KAZN: variants seen among roughly 807,000 people sequenced by gnomAD.
KAZN encodes kazrin.
Under a neutral mutation model 87.4 loss-of-function variants are expected in KAZN, and 40 were observed. The observed-to-expected ratio is 0.46, with a 90% CI of 0.36 to 0.60. The LOEUF is 0.60. Ranked by LOEUF, KAZN falls within the 20% of genes least tolerant of loss-of-function variation. KAZN has a pLI of 0.00. For synonymous variants in KAZN, 466 were observed against 458.3 expected, an observed-to-expected ratio of 1.02 and a Z score of -0.22; for missense variants, 898 against 1,073.9, an observed-to-expected ratio of 0.84 and a Z score of 2.29.
intron 1 of KAZN, among the ~76,000 whole-genome samples, chr1:14,791,054 CT>C (rs1195565058): frequency 6.6e-6 from 1 of 152,178 alleles, no homozygotes; most frequent in Non-Finnish European, 1.5e-5. Context: ...GCCTCCAAGT[CT>C]CATCCCACCC....
intron 1 of KAZN, among the ~76,000 whole-genome samples, chr1:14,637,834 G>A (rs1680110336): frequency 6.6e-6 from 1 of 152,162 alleles, no homozygotes; most frequent in African/African-American, 2.4e-5. Context: ...GTGACAAAGT[G>A]CTACAAACTG....
intron 1 of KAZN, among the ~76,000 whole-genome samples, chr1:14,789,068 G>A (rs1442930016): frequency 6.6e-6 from 1 of 152,194 alleles, no homozygotes; most frequent in African/African-American, 2.4e-5. Context: ...GGACGGGTTA[G>A]TTTTGATATG....
At chr1:14,304,438 C>A (rs937070860) in intron 2 of KAZN, among the ~76,000 whole-genome samples, 1 of 152,214 alleles carries the variant, frequency 6.6e-6, no homozygotes, top group Non-Finnish European at 1.5e-5. Context: ...GTGTGCTGTT[C>A]AGCCTCTATT....
chr1:14,656,806 A>G (rs2148707266), intron 1 of KAZN, among the ~76,000 whole-genome samples: 1 of 152,362 alleles, frequency 6.6e-6, no homozygotes, highest in African/African-American at 2.4e-5. Flanking sequence ...GCACCTGCCC[A>G]CCAGGCCTGT....
Position 14,838,710 on chromosome 1 carries a change from C to A in KAZN, c.227-121974C>A, listed in dbSNP as rs201900575. On this transcript the variant is annotated intron_variant, in intron 1 of 14. Coordinates refer to ENST00000376030, the MANE Select transcript of KAZN (RefSeq NM_201628.3). ...ATCTCAGCTCACTGCAAACCTCTGC[C>A]TCCCAGGTTCAAGTGATTCTCATGT... Among the ~76,000 whole-genome samples, 8 of 152,180 alleles carry A rather than the reference C, an allele frequency of 5.3e-5. No individual in the cohort carries two copies. The East Asian group carries it at 5.8e-4, about 11-fold the overall frequency.
At chr1:14,799,157 G>A (rs1019771819) in intron 1 of KAZN, among the ~76,000 whole-genome samples, 3 of 152,178 alleles carry the variant, frequency 2.0e-5, no homozygotes, top group Non-Finnish European at 4.4e-5. Context: ...GACATTTGTG[G>A]CATTGTTTGT....
chr1:14,142,147 G>C (rs557994744), intron 1 of KAZN, among the ~76,000 whole-genome samples: 17 of 147,428 alleles, frequency 1.2e-4, no homozygotes, highest in African/African-American at 4.3e-4. Flanking sequence ...AAACCAGATG[G>C]AGGTAGGTTT....
intron 2 of KAZN, among the ~76,000 whole-genome samples, chr1:14,548,254 A>G (rs1376853277): frequency 6.9e-6 from 1 of 145,120 alleles, no homozygotes; most frequent in Non-Finnish European, 1.5e-5. Context: ...ACTGGAGTGC[A>G]GTGGTGCGAT....
At chr1:15,010,414 G>T (rs545694988) in intron 2 of KAZN, among the ~76,000 whole-genome samples, 2 of 143,360 alleles carry the variant, frequency 1.4e-5, no homozygotes, top group African/African-American at 5.2e-5. Context: ...TTTTTGAGAC[G>T]GAGTCTCGCT....
At chr1:14,472,696 G>C (rs1159580873) in intron 2 of KAZN, among the ~76,000 whole-genome samples, 1 of 150,664 alleles carries the variant, frequency 6.6e-6, no homozygotes, top group Admixed American at 6.6e-5. Context: ...GAGAGAGAAA[G>C]ACAGGAATCA....
At chr1:14,239,125 G>A (rs182407071) in intron 2 of KAZN, among the ~76,000 whole-genome samples, 3 of 152,226 alleles carry the variant, frequency 2.0e-5, no homozygotes, top group Admixed American at 6.5e-5. Flanking sequence ...GAAAGATTAC[G>A]TAAGCCAAAA....
intron 1 of KAZN, among the ~76,000 whole-genome samples, chr1:14,804,933 G>A (rs772714753): frequency 2.0e-5 from 3 of 152,142 alleles, no homozygotes; most frequent in African/African-American, 7.2e-5. Context: ...TGGCATGCCC[G>A]TGGTCTGCCA....
intron 1 of KAZN, among the ~76,000 whole-genome samples, chr1:14,603,899 C>G (rs746292925): frequency 6.6e-6 from 1 of 152,166 alleles, no homozygotes; most frequent in Non-Finnish European, 1.5e-5. Context: ...ATATGGGGCC[C>G]AGAAGGTCAA....
intron 1 of KAZN, among the ~76,000 whole-genome samples, chr1:14,020,431 G>T (rs773149830): frequency 6.6e-6 from 1 of 152,124 alleles, no homozygotes; most frequent in South Asian, 2.1e-4. Flanking sequence ...CCCATCCCTA[G>T]ACCCACAGGA....
Position 14,841,222 on chromosome 1 carries a change from G to A in KAZN, c.227-119462G>A, listed in dbSNP as rs1045955018. Among the ~76,000 whole-genome samples, 4 of 151,814 alleles carry A rather than the reference G, an allele frequency of 2.6e-5. No homozygotes were observed. In the East Asian group the frequency reaches 5.8e-4, roughly 22 times the overall value. On this transcript the variant is annotated intron_variant, in intron 1 of 14. Coordinates refer to ENST00000376030, the MANE Select transcript of KAZN (RefSeq NM_201628.3). ...CATGAGGTCAGGAGATCGAGAACACGTTGAAACCCCGTCTCTACTAAAAAT... is the reference window on the plus strand; with the variant it reads ...CATGAGGTCAGGAGATCGAGAACACATTGAAACCCCGTCTCTACTAAAAAT...
chr1:14,468,100 G>C (rs1377092093), intron 2 of KAZN, among the ~76,000 whole-genome samples: 1 of 152,176 alleles, frequency 6.6e-6, no homozygotes, highest in Admixed American at 6.5e-5. Flanking sequence ...TACTTAGCTG[G>C]CTAATAAACC....
chr1:13,992,284 T>C lies in KAZN; in HGVS notation c.91+98528T>C, dbSNP rs58641302. Reference sequence around the variant, plus strand: ...AGATCCATAAATGTTGCTGAATTTATGAATCTTTATTTTTTTTTCTTGCTC... The same window carrying C: ...AGATCCATAAATGTTGCTGAATTTACGAATCTTTATTTTTTTTTCTTGCTC... On this transcript the variant is annotated intron_variant, in intron 1 of 16. Transcript: ENST00000636203. Among the ~76,000 whole-genome samples the C allele has an allele frequency of 3.5e-3, 530 of 149,694 alleles. 7 individuals carry two copies. The highest frequency in any genetic ancestry group is 0.013 in the East Asian group (64 of 5,094).
At chr1:14,174,401 G>A (rs527954744) in intron 1 of KAZN, among the ~76,000 whole-genome samples, 2 of 152,284 alleles carry the variant, frequency 1.3e-5, no homozygotes, top group African/African-American at 4.8e-5. Context: ...TCCAGGACAG[G>A]AAGCATTGAA....
chr1:14,607,302 A>G (rs1677448666), intron 1 of KAZN, among the ~76,000 whole-genome samples: 1 of 152,188 alleles, frequency 6.6e-6, no homozygotes, highest in Non-Finnish European at 1.5e-5. Context: ...CATTTTACAG[A>G]TGAGAAAGTT....
Sources: allele counts gnomAD v4.1 joint callset (sites outside exome capture counted in the v4.1 genomes callset), GRCh38; gene constraint gnomAD v4.1.1; transcripts MANE v1.5; gene names NCBI Gene and HGNC (gene_info 2026-07-23, HGNC 2026-07-21).